Variants in RBFOX1 observed in about 807,000 individuals in gnomAD.
RBFOX1 encodes RNA binding fox-1 homolog 1.
A neutral mutation model predicts 57.7 loss-of-function variants in RBFOX1; 8 were observed. The ratio of observed to expected loss-of-function variants is 0.14; its 90% CI spans 0.08 to 0.25. The LOEUF is 0.25. RBFOX1 is among the 10% of genes least tolerant of loss of function. The pLI is 1.00. For synonymous variants in RBFOX1, 326 were observed against 222.4 expected (o/e 1.47, Z -4.15); for missense variants, 611 against 548.5 (o/e 1.11, Z -1.14).
intron 5 of RBFOX1, among the ~76,000 whole-genome samples, chr16:7,559,748 A>C (rs899475001): frequency 2.0e-5 from 3 of 152,188 alleles, no homozygotes; most frequent in Admixed American, 6.5e-5. Context: ...TTCGCTTTTC[A>C]TCTACCCTCC....
rs939340093 is a variant in RBFOX1 at position 5,270,244 on chromosome 16, C to A, written c.219+30139C>A. On this transcript the variant is annotated intron_variant, in intron 1 of 2. Transcript: ENST00000585867. ...GGAGTTAAGAAGAAAATACTTGATCCATTTTCTAAGAAAGATCAGTATGAT... is the reference window on the plus strand; with the variant it reads ...GGAGTTAAGAAGAAAATACTTGATCAATTTTCTAAGAAAGATCAGTATGAT... 4.9e-5 allele frequency: 27 copies of A among 545,860 alleles called. No homozygotes were observed. The African/African-American group carries it at 5.0e-4, about 10-fold the overall frequency. The allele number at this position is 545,860 out of a possible 1,614,324, so 33.8% of individuals were successfully genotyped here.
intron 1 of RBFOX1, among the ~76,000 whole-genome samples, chr16:6,185,633 C>T (rs897941431): frequency 6.6e-6 from 1 of 152,202 alleles, no homozygotes; most frequent in Admixed American, 6.5e-5. Flanking sequence ...TAAAAAATTC[C>T]TCATAGCTAA....
chr16:6,863,752 T>TA (rs869181631), intron 3 of RBFOX1, among the ~76,000 whole-genome samples: 8 of 119,940 alleles, frequency 6.7e-5, no homozygotes, highest in East Asian at 2.9e-4. Context: ...TTTTTTTTTT[T>TA]ACCAAAACCA....
At chr16:6,569,816 T>C (rs554327454) in intron 2 of RBFOX1, among the ~76,000 whole-genome samples, 1 of 152,314 alleles carries the variant, frequency 6.6e-6, no homozygotes, top group South Asian at 2.1e-4. Context: ...TTCGTTAAGT[T>C]CTCTTTAAGC....
chr16:6,660,894 C>T (rs977286344), intron 3 of RBFOX1, among the ~76,000 whole-genome samples: 1 of 152,040 alleles, frequency 6.6e-6, no homozygotes, highest in African/African-American at 2.4e-5. Context: ...ACCTAGTAGG[C>T]CTTGGAAATA....
chr16:7,403,850 T>A (rs866464859), intron 4 of RBFOX1, among the ~76,000 whole-genome samples: 1 of 151,584 alleles, frequency 6.6e-6, no homozygotes, highest in African/African-American at 2.4e-5. Flanking sequence ...CGGGGCTCCT[T>A]GTTTTCTTAA....
At chr16:6,211,122 G>A (rs895078146) in intron 1 of RBFOX1, among the ~76,000 whole-genome samples, 5 of 116,552 alleles carry the variant, frequency 4.3e-5, no homozygotes, top group Non-Finnish European at 8.2e-5. Context: ...GTGGCCTAAC[G>A]GCAGACTGGA....
At chr16:5,383,410 G>T (rs1161918524) in intron 1 of RBFOX1, among the ~76,000 whole-genome samples, 1 of 152,218 alleles carries the variant, frequency 6.6e-6, no homozygotes, top group African/African-American at 2.4e-5. Flanking sequence ...CAAGGCAGCA[G>T]GATGGCAGCA....
intron 3 of RBFOX1, among the ~76,000 whole-genome samples, chr16:5,855,569 T>A (rs1195512135): frequency 6.6e-6 from 1 of 152,208 alleles, no homozygotes; most frequent in Non-Finnish European, 1.5e-5. Flanking sequence ...TCTATTCTGT[T>A]CCATTGGTCT....
In RBFOX1 at chr16:6,217,724, T is replaced by C. The variant is rs200844636; in HGVS notation, c.-126-99271T>C. On this transcript the variant is annotated intron_variant, in intron 1 of 15. Coordinates refer to ENST00000550418, the MANE Select transcript of RBFOX1 (RefSeq NM_018723.4). ...GACACCTAGTAGGCCCTCACAAATA[T>C]GTTGCATAGGCTGGGCACAGTGGCT... Among the ~76,000 whole-genome samples, 13 of 152,306 alleles carry C rather than the reference T, an allele frequency of 8.5e-5. No individual in the cohort carries two copies. The East Asian group carries it at 2.5e-3, about 29-fold the overall frequency.
intron 1 of RBFOX1, among the ~76,000 whole-genome samples, chr16:6,233,016 C>G (rs766688188): frequency 2.0e-5 from 3 of 152,152 alleles, no homozygotes; most frequent in African/African-American, 4.8e-5. Context: ...CCATTGAATT[C>G]TACATCGTCT....
chr16:6,863,723 C>A (rs1420691049), intron 3 of RBFOX1, among the ~76,000 whole-genome samples: 2 of 39,580 alleles, frequency 5.1e-5, no homozygotes, highest in African/African-American at 1.1e-4. Flanking sequence ...TGGATGCCTG[C>A]GCTTTTTTTT....
intron 3 of RBFOX1, among the ~76,000 whole-genome samples, chr16:5,681,795 G>T (rs1043995570): frequency 1.3e-5 from 2 of 152,146 alleles, no homozygotes; most frequent in Non-Finnish European, 2.9e-5. Context: ...AGGCCTTGAG[G>T]TGGATTAAGC....
At chr16:7,461,081 G>C (rs967865367) in intron 4 of RBFOX1, among the ~76,000 whole-genome samples, 1 of 152,130 alleles carries the variant, frequency 6.6e-6, no homozygotes, top group East Asian at 1.9e-4. Flanking sequence ...AGTTAGCTAA[G>C]AATAACTGAT....
chr16:7,210,449 C>T (rs915198040), intron 4 of RBFOX1, among the ~76,000 whole-genome samples: 1 of 151,960 alleles, frequency 6.6e-6, no homozygotes, highest in Admixed American at 6.5e-5. Context: ...ACCAAGATTT[C>T]TTAAGACAAT....
chr16:6,437,640 G>A (rs972986972), intron 2 of RBFOX1, among the ~76,000 whole-genome samples: 5 of 152,184 alleles, frequency 3.3e-5, no homozygotes, highest in Non-Finnish European at 5.9e-5. Context: ...AGGTTTAATT[G>A]ACTCAGAGTT....
At chr16:6,284,690 A>G (rs909266309) in intron 1 of RBFOX1, among the ~76,000 whole-genome samples, 1 of 152,164 alleles carries the variant, frequency 6.6e-6, no homozygotes, top group African/African-American at 2.4e-5. Context: ...AAGATGAACA[A>G]CTATTCAATC....
chr16:7,471,658 TGGG>T, intron 4 of RBFOX1, among the ~76,000 whole-genome samples: 1 of 152,280 alleles, frequency 6.6e-6, no homozygotes, highest in East Asian at 1.9e-4. Flanking sequence ...GATCAAAAAA[TGGG>T]GGAGAATCCA....
chr16:6,279,193 G>T (rs1567837775), intron 1 of RBFOX1, among the ~76,000 whole-genome samples: 1 of 152,100 alleles, frequency 6.6e-6, no homozygotes, highest in Non-Finnish European at 1.5e-5. Flanking sequence ...TAAGGTACTT[G>T]AGTGGTTTTT....
Sources: gnomAD v4.1 joint callset for allele counts (sites outside exome capture counted in the v4.1 genomes callset) on GRCh38, gnomAD v4.1.1 for gene constraint, MANE v1.5 for transcripts, NCBI Gene and HGNC (gene_info 2026-07-23, HGNC 2026-07-21) for gene names.